Variants in CHD8 observed in about 807,000 individuals in gnomAD.
CHD8 encodes the protein ATP-dependent chromatin remodeler CHD8.
CHD8 carries 31 observed loss-of-function variants against 279.2 expected under a neutral mutation model. That is an observed-to-expected ratio of 0.11 (90% CI 0.08 to 0.15). CHD8 has a LOEUF of 0.15. CHD8 is among the 10% of genes least tolerant of loss of function. CHD8 has a pLI of 1.00. For synonymous variants in CHD8, 1,081 were observed against 1,139.6 expected (o/e 0.95, Z 1.04); for missense variants, 2,146 against 3,230.5 (o/e 0.66, Z 8.14).
chr14:21,389,986 G>A (rs974534944), intron 37 of CHD8, among the ~76,000 whole-genome samples: 1 of 152,122 alleles, frequency 6.6e-6, no homozygotes, highest in African/African-American at 2.4e-5. Context: ...TGTAATCCCA[G>A]TACTTCAGAA....
intron 1 of CHD8, among the ~76,000 whole-genome samples, chr14:21,453,098 G>A (rs1299937881): frequency 6.6e-6 from 1 of 151,792 alleles, no homozygotes; most frequent in African/African-American, 2.4e-5. Context: ...CACTTGAGCC[G>A]AGGAGTTCAA....
chr14:21,444,634 AT>A (rs1177720163), intron 1 of CHD8, among the ~76,000 whole-genome samples: 1 of 151,536 alleles, frequency 6.6e-6, no homozygotes, highest in South Asian at 2.1e-4. Flanking sequence ...CCTCAAACAT[AT>A]TTTTTTTCCC....
At position 21,402,515 on chromosome 14, in the gene CHD8, T is replaced by C. The variant is rs1271949628; in HGVS notation, c.3715-12A>G. ...CATCGTGCCTGGGCCTGGTTTAAAA[T>C]AAAAACGAAAGGAAAGGAGAAAGAT... On this transcript the variant is annotated splice_polypyrimidine_tract_variant and intron_variant, in intron 18 of 37. Transcript: ENST00000646647. The surrounding 1 kb of genome is among the most constrained non-coding windows in gnomAD (Gnocchi z 4.5). 2 of 1,567,094 alleles carry C rather than the reference T, an allele frequency of 1.3e-6. No individual in the cohort carries two copies. The highest frequency in any genetic ancestry group is 1.7e-6 in the Non-Finnish European group (2 of 1,159,046).
chr14:21,441,759 G>T (rs1221266855), intron 1 of CHD8, among the ~76,000 whole-genome samples: 5 of 152,074 alleles, frequency 3.3e-5, no homozygotes, highest in Non-Finnish European at 5.9e-5. Flanking sequence ...CGTGGTGGTG[G>T]GCACCTGTAG....
chr14:21,429,728 G>C (rs554925945), intron 2 of CHD8: 7 of 325,992 alleles, frequency 2.1e-5, no homozygotes, highest in Non-Finnish European at 4.3e-5. Flanking sequence ...CCACAGCCCA[G>C]AACTCCTAGG....
At position 21,391,937 on chromosome 14, in the gene CHD8, A is replaced by G; in HGVS notation, c.6781T>C (p.Leu2261=). The change falls in exon 35 of 38, where the codon TTG becomes CTG. Residue 2261 remains leucine, a synonymous_variant. Coordinates refer to ENST00000646647, the MANE Select transcript of CHD8 (RefSeq NM_001170629.2). Reference sequence around the variant, plus strand: ...TTGTGCTTCTGGAATGTTAACTTCAATCCTTCCTCCTAGGAAGACAACCCA... The same window carrying G: ...TTGTGCTTCTGGAATGTTAACTTCAGTCCTTCCTCCTAGGAAGACAACCCA... ...FTVQIKDEEG[L]KLTFQKHKLM... The G allele has an allele frequency of 1.2e-6, 2 of 1,612,702 alleles. No homozygotes were observed. Among genetic ancestry groups the G allele is most frequent in the Non-Finnish European group, 1.7e-6 (2 of 1,178,758 alleles).
rs1329974474 is a variant in CHD8 at position 21,392,534 on chromosome 14, T to C, written c.6744A>G (p.Glu2248=). 1 of 1,612,810 alleles carries C rather than the reference T, an allele frequency of 6.2e-7. No individual in the cohort carries two copies. The highest frequency in any genetic ancestry group is 1.1e-5 in the South Asian group (1 of 91,018). ...CTTTGATTTGAACTGTAAACTCCTT[T>C]TCATCCATGCCTCGGCGAAGTTTGG... ...QFTKLRRGMD[E]KEFTVQIKDE... Residue 2248 remains glutamate (E), a synonymous_variant, in exon 34 of 38, where the codon GAA becomes GAG. Coordinates refer to ENST00000646647, the MANE Select transcript of CHD8 (RefSeq NM_001170629.2).
In CHD8 at chr14:21,406,156, C is replaced by T. The variant is rs142157972; in HGVS notation, c.2908-292G>A. ...ATGTTTATTCCAATTACACATGTCTCTCCATATTCAACTCCCCACAGATAT... is the reference window on the plus strand; with the variant it reads ...ATGTTTATTCCAATTACACATGTCTTTCCATATTCAACTCCCCACAGATAT... On this transcript the variant is annotated intron_variant, in intron 14 of 37. Coordinates refer to ENST00000646647, the MANE Select transcript of CHD8 (RefSeq NM_001170629.2). Among the ~76,000 whole-genome samples the T allele has an allele frequency of 4.7e-4, 72 of 152,310 alleles. 1 individual carries two copies. The East Asian group carries it at 0.013, about 28-fold the overall frequency.
chr14:21,394,225 CAG>C, intron 31 of CHD8, 30 bp from the exon 32 acceptor site: 3 of 1,611,124 alleles, frequency 1.9e-6, no homozygotes, highest in Non-Finnish European at 2.5e-6. Context: ...AAGAAATTAA[CAG>C]AGTTGCTTCT....
chr14:21,445,837 TA>T (rs1890103652), intron 1 of CHD8, among the ~76,000 whole-genome samples: 1 of 149,496 alleles, frequency 6.7e-6, no homozygotes. Flanking sequence ...CTGTCTCTAC[TA>T]AAAGTACAAA....
intron 10 of CHD8, among the ~76,000 whole-genome samples, chr14:21,410,380 C>T (rs1049560156): frequency 6.6e-6 from 1 of 152,124 alleles, no homozygotes; most frequent in Non-Finnish European, 1.5e-5. Flanking sequence ...GCTAGGCTAC[C>T]TTTAGGATGA....
At chr14:21,386,833 T>G (rs141976350) in intron 37 of CHD8, among the ~76,000 whole-genome samples, 1,903 of 112,950 alleles carry the variant, frequency 0.017, 47 homozygotes, top group African/African-American at 0.059. Context: ...CGAGACTCCG[T>G]CTCAAAAAAA....
rs1555316449 is a variant in CHD8 at position 21,415,542 on chromosome 14, T to TAAATAAAA, written c.1968+31_1968+32insTTTTATTT. On this transcript the variant is annotated intron_variant, in intron 7 of 37. Coordinates refer to ENST00000646647, the MANE Select transcript of CHD8 (RefSeq NM_001170629.2). ...ATAAATAAATAAATAAATAAATAAA[T>TAAATAAAA]AAAAATAATAATAATAATAAAAAGC... The TAAATAAAA allele has an allele frequency of 1.7e-5, 18 of 1,078,824 alleles. No individual in the cohort carries two copies. The African/African-American group carries it at 1.7e-4, about 10-fold the overall frequency. 66.8% of individuals were successfully genotyped at this position (1,078,824 alleles called of 1,614,324 possible).
intron 1 of CHD8, among the ~76,000 whole-genome samples, chr14:21,445,967 T>C (rs1456494343): frequency 6.6e-6 from 1 of 152,018 alleles, no homozygotes; most frequent in African/African-American, 2.4e-5. Flanking sequence ...GCCACTGCAC[T>C]CCAGCCTGGC....
Position 21,402,190 on chromosome 14 carries a change from A to T in CHD8, c.3883-54T>A. The T allele has an allele frequency of 6.8e-7, 1 of 1,465,516 alleles. No individual in the cohort carries two copies. Among genetic ancestry groups the T allele is most frequent in the East Asian group, 2.4e-5 (1 of 42,060 alleles). The allele number at this position is 1,465,516 out of a possible 1,614,324, so 90.8% of individuals were successfully genotyped here. On this transcript the variant is annotated intron_variant, in intron 19 of 37. Transcript: ENST00000646647. This position sits in a 1 kb window ranked among gnomAD's most constrained non-coding sequence, Gnocchi z 4.5. ...ACTATCAAGAGAATAATATCTAACC[A>T]TGCCATAATATTTTAGCTATTATAT... is the stretch of plus-strand genomic sequence containing the variant.
intron 1 of CHD8, among the ~76,000 whole-genome samples, chr14:21,433,792 C>T (rs1394756992): frequency 6.6e-6 from 1 of 152,188 alleles, no homozygotes; most frequent in Non-Finnish European, 1.5e-5. Context: ...TCCACCAGCT[C>T]ATTCCAGCCT....
chr14:21,453,343 A>G (rs1301853613), intron 1 of CHD8, among the ~76,000 whole-genome samples: 1 of 151,954 alleles, frequency 6.6e-6, no homozygotes, highest in Admixed American at 6.5e-5. Context: ...AACAGAAGCA[A>G]AAGTGTACAA....
In CHD8 at chr14:21,402,035, C is replaced by T. The variant is rs1044529533; in HGVS notation, c.3984G>A (p.Glu1328=). 5 of 1,613,598 alleles carry T rather than the reference C, an allele frequency of 3.1e-6. No individual in the cohort carries two copies. Among genetic ancestry groups the T allele is most frequent in the Non-Finnish European group, 3.4e-6 (4 of 1,179,750 alleles). ...EDDEGSKFCE[E]DIDQILLRRT... ...GTCTTAACAAGATCTGGTCAATGTCCTCTTCACAAAACTTGGAGCCTTCAT... is the reference window on the plus strand; with the variant it reads ...GTCTTAACAAGATCTGGTCAATGTCTTCTTCACAAAACTTGGAGCCTTCAT... Residue 1328 remains glutamate (E), a synonymous_variant, in exon 20 of 38, where the codon GAG becomes GAA. Coordinates refer to ENST00000646647, the MANE Select transcript of CHD8 (RefSeq NM_001170629.2). The surrounding 1 kb of genome is among the most constrained non-coding windows in gnomAD (Gnocchi z 4.5).
intron 1 of CHD8, among the ~76,000 whole-genome samples, chr14:21,455,804 G>C (rs940102731): frequency 6.6e-6 from 1 of 151,998 alleles, no homozygotes; most frequent in East Asian, 1.9e-4. Context: ...CTCGCGGCTC[G>C]GCCCGGCTCG....
Sources: gnomAD v4.1 joint callset for allele counts (sites outside exome capture counted in the v4.1 genomes callset) on GRCh38, gnomAD v4.1.1 for gene constraint, Gnocchi (gnomAD v3.1) non-coding constraint, MANE v1.5 for transcripts, NCBI Gene and HGNC (gene_info 2026-07-23, HGNC 2026-07-21) for gene names.